The following EHBP1 variants were observed in gnomAD, a reference collection of about 807,000 sequenced individuals.
The protein encoded by EHBP1 is EH domain binding protein 1.
Under a neutral mutation model 144.0 loss-of-function variants are expected in EHBP1, and 55 were observed. That is an observed-to-expected ratio of 0.38 (90% CI 0.31 to 0.48). The LOEUF is 0.48. Among genes scored for constraint, EHBP1 ranks in the 20% least tolerant of loss-of-function variants. The pLI is 0.98. For missense variants in EHBP1, 1,200 were observed against 1,364.2 expected, an observed-to-expected ratio of 0.88 and a Z score of 1.90; for synonymous variants, 469 against 472.7, an observed-to-expected ratio of 0.99 and a Z score of 0.10.
intron 2 of EHBP1, among the ~76,000 whole-genome samples, chr2:62,716,126 T>C (rs2035651141): frequency 1.3e-5 from 2 of 152,050 alleles, no homozygotes; most frequent in Non-Finnish European, 2.9e-5. Context: ...GTCCCACCCA[T>C]TTCTTGCCCC....
chr2:62,761,139 G>T (rs2040735972), intron 3 of EHBP1, among the ~76,000 whole-genome samples: 1 of 152,086 alleles, frequency 6.6e-6, no homozygotes, highest in Non-Finnish European at 1.5e-5. Context: ...GTGGAGTTTT[G>T]ATTGATTATC....
chr2:62,837,357 A>C (rs2047357532), intron 7 of EHBP1, among the ~76,000 whole-genome samples: 1 of 147,820 alleles, frequency 6.8e-6, no homozygotes, highest in East Asian at 2.0e-4. Flanking sequence ...CATGGAAAGG[A>C]ACAACCGGTA....
intron 10 of EHBP1, among the ~76,000 whole-genome samples, chr2:62,920,242 T>A (rs1416822345): frequency 2.0e-5 from 3 of 152,096 alleles, no homozygotes; most frequent in East Asian, 3.9e-4. Flanking sequence ...GAGAAGTGAC[T>A]CATCAGAAAG....
chr2:62,702,196 T>C (rs1022887126), upstream of EHBP1, among the ~76,000 whole-genome samples: 3 of 152,222 alleles, frequency 2.0e-5, no homozygotes, highest in African/African-American at 4.8e-5. Flanking sequence ...TTGGATGCCA[T>C]TTTCCACTTA....
intron 10 of EHBP1, among the ~76,000 whole-genome samples, chr2:62,914,067 A>G (rs1457842992): frequency 6.6e-6 from 1 of 152,164 alleles, no homozygotes; most frequent in African/African-American, 2.4e-5. Flanking sequence ...AACCTTTTCA[A>G]TCAGGCAGGT....
chr2:62,758,168 G>A (rs2040467764), intron 3 of EHBP1, among the ~76,000 whole-genome samples: 1 of 152,206 alleles, frequency 6.6e-6, no homozygotes, highest in South Asian at 2.1e-4. Context: ...GAGTGCAGTG[G>A]TGTGATCTCG....
chr2:63,038,680 G>A, intron 20 of EHBP1, 63 bp from the exon 21 acceptor site: 1 of 1,460,604 alleles, frequency 6.8e-7, no homozygotes, highest in Non-Finnish European at 9.6e-7. Flanking sequence ...TAACCTAAAG[G>A]TTCTTTTAAG....
intron 2 of EHBP1, among the ~76,000 whole-genome samples, chr2:62,707,636 G>T (rs2034730246): frequency 6.6e-6 from 1 of 152,166 alleles, no homozygotes; most frequent in African/African-American, 2.4e-5. Context: ...CTGAAATATT[G>T]TGAGCATTAA....
At chr2:62,859,464 A>G (rs1183823535) in intron 8 of EHBP1, among the ~76,000 whole-genome samples, 173 bp downstream of exon 8, 1 of 152,204 alleles carries the variant, frequency 6.6e-6, no homozygotes, top group African/African-American at 2.4e-5. Flanking sequence ...GGTCACTTCT[A>G]TGGAATGGCT....
intron 10 of EHBP1, among the ~76,000 whole-genome samples, chr2:62,881,521 AGGC>A (rs2051422580): frequency 1.3e-5 from 2 of 152,020 alleles, no homozygotes; most frequent in Non-Finnish European, 2.9e-5. Context: ...TAAAGCAGCT[AGGC>A]ATAAGAGACA....
At position 62,948,729 on chromosome 2, in the gene EHBP1, C is replaced by T; in HGVS notation, c.1883C>T (p.Thr628Ile). The T allele has an allele frequency of 6.2e-7, 1 of 1,614,080 alleles. No individual in the cohort carries two copies. Among genetic ancestry groups the T allele is most frequent in the Non-Finnish European group, 8.5e-7 (1 of 1,180,002 alleles). Residue 628 changes from threonine (T) to isoleucine (I), a missense_variant, in exon 13 of 23, where the codon ACT (threonine) becomes ATT (isoleucine). Thr to Ile is a moderately conservative substitution (Grantham distance 89). This residue lies in a region of EHBP1 where 543 missense variants were observed against 513.1 expected (regional missense o/e 1.06). Transcript: ENST00000431489. Reference sequence around the variant, plus strand: ...AAGTCTCAGCAGAGCTCTGGAAGGACTTCAGGATCTGATGACCCTGGAATA... The same window carrying T: ...AAGTCTCAGCAGAGCTCTGGAAGGATTTCAGGATCTGATGACCCTGGAATA... ...PQKSQQSSGR[T>I]SGSDDPGICS...
In EHBP1 at chr2:63,045,247, G is replaced by T; in HGVS notation, c.3392+67G>T. On this transcript the variant is annotated intron_variant, in intron 22 of 22. Transcript: ENST00000431489. The surrounding 1 kb of genome is among the most constrained non-coding windows in gnomAD (Gnocchi z 5.7). ...CGAGGGGCCGAGAAGTGTGCGGAAA[G>T]TTCAATCCAGAGGTCGCGGGAGGGC... 1.3e-6 allele frequency: 2 copies of T among 1,484,654 alleles called. No homozygotes were observed. The highest frequency in any genetic ancestry group is 1.8e-6 in the Non-Finnish European group (2 of 1,086,566). 92.0% of individuals were successfully genotyped at this position (1,484,654 alleles called of 1,614,324 possible).
At chr2:62,954,539 A>C (rs190645221) in intron 13 of EHBP1, among the ~76,000 whole-genome samples, 2 of 152,290 alleles carry the variant, frequency 1.3e-5, no homozygotes, top group East Asian at 3.9e-4. Flanking sequence ...TGTACACTTT[A>C]AGAAAAATCT....
At chr2:63,030,980 A>G (rs2061222757) in intron 19 of EHBP1, among the ~76,000 whole-genome samples, 1 of 151,556 alleles carries the variant, frequency 6.6e-6, no homozygotes, top group Non-Finnish European at 1.5e-5. Context: ...TATTTTTAGT[A>G]GAGACAGGGT....
At chr2:62,952,137 A>G (rs1006132235) in intron 13 of EHBP1, among the ~76,000 whole-genome samples, 1 of 152,170 alleles carries the variant, frequency 6.6e-6, no homozygotes, top group Non-Finnish European at 1.5e-5. Flanking sequence ...AGCTCCATGT[A>G]TGTTTTCTCT....
intron 10 of EHBP1, among the ~76,000 whole-genome samples, chr2:62,922,775 G>A (rs1280919799): frequency 1.3e-5 from 2 of 152,188 alleles, no homozygotes; most frequent in East Asian, 3.9e-4. Context: ...CATGAAGGCA[G>A]CCAGTCTCTG....
chr2:62,841,828 T>A (rs1047944108), intron 7 of EHBP1, among the ~76,000 whole-genome samples: 1 of 152,168 alleles, frequency 6.6e-6, no homozygotes, highest in Non-Finnish European at 1.5e-5. Flanking sequence ...GTGGGTGTCT[T>A]TCCCCTAGTA....
intron 5 of EHBP1, among the ~76,000 whole-genome samples, chr2:62,778,782 C>G (rs191995805): frequency 6.6e-6 from 1 of 152,102 alleles, no homozygotes; most frequent in African/African-American, 2.4e-5. Flanking sequence ...ATCTCTTGAT[C>G]TCGCAAAATA....
At chr2:62,739,781 T>A (rs1468957916) in intron 2 of EHBP1, among the ~76,000 whole-genome samples, 1 of 151,360 alleles carries the variant, frequency 6.6e-6, no homozygotes, top group Non-Finnish European at 1.5e-5. Flanking sequence ...ACAAAAAAAA[T>A]TTAAAATTAG....
Sources: gnomAD v4.1 joint callset for allele counts (sites outside exome capture counted in the v4.1 genomes callset) on GRCh38, gnomAD v4.1.1 for gene constraint, gnomAD v4.1.1 regional missense constraint, Gnocchi (gnomAD v3.1) non-coding constraint, MANE v1.5 for transcripts, NCBI Gene and HGNC (gene_info 2026-07-23, HGNC 2026-07-21) for gene names.